The following H4C15 variants were observed in gnomAD, a reference collection of about 807,000 sequenced individuals.
H4C15 encodes H4 clustered histone 15.
At chr1:149,855,417 G>GTA (rs1221982702), downstream of H4C15, among the ~76,000 whole-genome samples, 3 of 146,832 alleles carry the variant, frequency 2.0e-5, no homozygotes, top group Non-Finnish European at 4.6e-5. Context: ...GTGTGTGTGT[G>GTA]TGTGTGTTTA....
At chr1:149,849,262 C>G (rs1553757409), downstream of H4C15, among the ~76,000 whole-genome samples, 1 of 152,198 alleles carries the variant, frequency 6.6e-6, no homozygotes, top group East Asian at 1.9e-4. Flanking sequence ...GCATATATCA[C>G]CATCACCCAG....
downstream of H4C15, among the ~76,000 whole-genome samples, chr1:149,849,674 A>G (rs1252229264): frequency 2.0e-5 from 3 of 152,258 alleles, no homozygotes; most frequent in East Asian, 1.9e-4. Flanking sequence ...ACTCTTGGGG[A>G]AAAAAACCAT....
At chr1:149,847,735 A>C in the H4C15 span, 1 of 152,260 alleles carries the variant, frequency 6.6e-6, no homozygotes, top group Admixed American at 6.5e-5. Context: ...AACCCGGGGC[A>C]CAGAGGTTGC....
downstream of H4C15, among the ~76,000 whole-genome samples, chr1:149,849,477 G>C (rs2092161011): frequency 6.6e-6 from 1 of 152,148 alleles, no homozygotes; most frequent in Non-Finnish European, 1.5e-5. Flanking sequence ...AATATTTTGA[G>C]GTTAATGAGG....
chr1:149,850,536 G>A, downstream of H4C15: 3 of 777,456 alleles, frequency 3.9e-6, no homozygotes, highest in Non-Finnish European at 6.2e-6. Context: ...TGCGCCAGGC[G>A]GGACGCCTCT....
chr1:149,844,652 C>T, the H4C15 span: 1 of 152,118 alleles, frequency 6.6e-6, no homozygotes, highest in Non-Finnish European at 1.5e-5. Context: ...CTGGTAGCCC[C>T]TTGCTTTTGT....
At chr1:149,850,637 A>T (rs1463014284), downstream of H4C15, 3 of 491,404 alleles carry the variant, frequency 6.1e-6, no homozygotes, top group African/African-American at 8.0e-5. Flanking sequence ...GACCCGCTTC[A>T]GCACCTTGTA....
chr1:149,850,077 G>T (rs1291808677), downstream of H4C15: 2 of 429,076 alleles, frequency 4.7e-6, no homozygotes, highest in Non-Finnish European at 8.7e-6. Flanking sequence ...CCAGGCCAAA[G>T]ACAGTTCAAG....
At chr1:149,845,639 A>T in the H4C15 span, 1 of 152,262 alleles carries the variant, frequency 6.6e-6, no homozygotes, top group Non-Finnish European at 1.5e-5. Flanking sequence ...TACAGAGATC[A>T]CGGAGGTGCT....
downstream of H4C15, chr1:149,850,481 G>A (rs1553757666): frequency 6.8e-6 from 6 of 887,590 alleles, no homozygotes; most frequent in African/African-American, 7.0e-5. Context: ...GCAGGCGCAC[G>A]GCCGTCTGGA....
the H4C15 span, chr1:149,847,502 T>A: frequency 6.6e-6 from 1 of 152,306 alleles, no homozygotes; most frequent in Admixed American, 6.5e-5. Flanking sequence ...GTATGACTGA[T>A]ACCCTTATAA....
chr1:149,858,665 G>T (rs1383861532), downstream of H4C15, among the ~76,000 whole-genome samples: 2 of 92,484 alleles, frequency 2.2e-5, no homozygotes, highest in Admixed American at 1.0e-4. Context: ...GGGAGGGAGG[G>T]AGGGAGGGAG....
the H4C15 span, chr1:149,845,962 C>T: frequency 6.6e-6 from 1 of 151,970 alleles, no homozygotes; most frequent in Admixed American, 6.6e-5. Context: ...TTGAAGACTC[C>T]TGGTAAATAT....
chr1:149,846,527 T>G, the H4C15 span: 1 of 152,364 alleles, frequency 6.6e-6, no homozygotes, highest in African/African-American at 2.4e-5. Context: ...TTTCCCATTT[T>G]TTTATTTTGA....
the H4C15 span, chr1:149,845,359 G>A: frequency 2.0e-5 from 3 of 152,200 alleles, no homozygotes; most frequent in African/African-American, 7.2e-5. Context: ...AAAAATAAGT[G>A]ACTAAATGTA....
downstream of H4C15, chr1:149,850,281 C>G (rs764649004): frequency 1.3e-5 from 18 of 1,369,230 alleles, no homozygotes; most frequent in Non-Finnish European, 1.8e-5. Context: ...AAGAAAGATT[C>G]TTTAACTGAG....
downstream of H4C15, among the ~76,000 whole-genome samples, chr1:149,855,397 G>C (rs1448800654): frequency 1.4e-5 from 2 of 146,670 alleles, 1 homozygote; most frequent in Non-Finnish European, 3.1e-5. Flanking sequence ...GTGTGTGTGT[G>C]TGTGTGTGTG....
chr1:149,849,126 CTG>C (rs2092157724), downstream of H4C15: 1 of 152,282 alleles, frequency 6.6e-6, no homozygotes, highest in Admixed American at 6.5e-5. Context: ...AGGGGTTTCA[CTG>C]TTAGCTAAAT....
the H4C15 span, chr1:149,847,832 A>C: frequency 6.6e-6 from 1 of 152,256 alleles, no homozygotes; most frequent in Non-Finnish European, 1.5e-5. Context: ...AAACATGGAG[A>C]CATACATGAA....
Sources: gnomAD v4.1 joint callset for allele counts (sites outside exome capture counted in the v4.1 genomes callset) on GRCh38, gnomAD v4.1.1 for gene constraint, MANE v1.5 for transcripts, NCBI Gene and HGNC (gene_info 2026-07-23, HGNC 2026-07-21) for gene names.